Variants in EYS observed in about 807,000 individuals in gnomAD.
The protein encoded by EYS is protein eyes shut homolog.
In EYS, 250 loss-of-function variants were observed where a neutral mutation model predicts 282.1. The observed-to-expected ratio is 0.89, with a 90% CI of 0.80 to 0.98. EYS has a LOEUF of 0.98. Ranked by LOEUF, EYS falls within the 50% of genes least tolerant of loss-of-function variation. EYS has a pLI of 0.00. For missense variants in EYS, 4,016 were observed against 3,709.0 expected, an observed-to-expected ratio of 1.08 and a Z score of -2.15; for synonymous variants, 1,355 against 1,282.9, an observed-to-expected ratio of 1.06 and a Z score of -1.20.
At chr6:65,162,400 T>C (rs916844968) in intron 12 of EYS, among the ~76,000 whole-genome samples, 7 of 151,222 alleles carry the variant, frequency 4.6e-5, no homozygotes, top group Non-Finnish European at 7.4e-5. Context: ...TACCTGACAA[T>C]GAGCAGTTCT....
chr6:65,185,724 G>A (rs867449665), intron 12 of EYS, among the ~76,000 whole-genome samples: 13 of 151,642 alleles, frequency 8.6e-5, no homozygotes, highest in African/African-American at 2.9e-4. Flanking sequence ...ACTGTATTTT[G>A]GGCACAGTTC....
chr6:63,908,936 G>C (rs1195468772), intron 35 of EYS, among the ~76,000 whole-genome samples: 1 of 151,944 alleles, frequency 6.6e-6, no homozygotes, highest in East Asian at 1.9e-4. Flanking sequence ...ACCTAAGACT[G>C]TTTCAGGGGA....
At chr6:65,422,498 A>G (rs1322868589) in intron 5 of EYS, among the ~76,000 whole-genome samples, 1 of 151,930 alleles carries the variant, frequency 6.6e-6, no homozygotes, top group East Asian at 1.9e-4. Context: ...ACTCAATAGG[A>G]AAGAAATTTA....
At chr6:64,935,864 C>T (rs1768889636) in intron 15 of EYS, among the ~76,000 whole-genome samples, 2 of 151,540 alleles carry the variant, frequency 1.3e-5, no homozygotes, top group Non-Finnish European at 3.0e-5. Context: ...AGTGACTTTA[C>T]CAAATGTTTA....
At chr6:64,912,408 C>G in intron 16 of EYS, 76 bp downstream of exon 16, 1 of 1,361,228 alleles carries the variant, frequency 7.3e-7, no homozygotes, top group Non-Finnish European at 1.0e-6. Flanking sequence ...AGGAGGCCAT[C>G]ATCCCATAGG....
Position 63,984,268 on chromosome 6 carries a change from T to C in EYS, c.7055+115A>G, listed in dbSNP as rs939116034. ...CATTTAGGTGATGCATAGAAAAACTTGAGAATTCTGGACTTGTCATTTTCG... is the reference window on the plus strand; with the variant it reads ...CATTTAGGTGATGCATAGAAAAACTCGAGAATTCTGGACTTGTCATTTTCG... On this transcript the variant is annotated intron_variant, in intron 35 of 42. Transcript: ENST00000503581. 9 of 718,846 alleles carry C rather than the reference T, an allele frequency of 1.3e-5. No homozygotes were observed. In the Admixed American group the frequency reaches 2.2e-4, roughly 17 times the overall value. The allele number at this position is 718,846 out of a possible 1,614,324, so 44.5% of individuals were successfully genotyped here.
intron 30 of EYS, among the ~76,000 whole-genome samples, chr6:64,292,792 A>C (rs1301982809): frequency 4.6e-5 from 7 of 152,094 alleles, no homozygotes; most frequent in Non-Finnish European, 8.8e-5. Context: ...AATAACTAGA[A>C]ATGATAACAT....
chr6:64,407,727 C>A (rs1331863878), intron 28 of EYS, among the ~76,000 whole-genome samples: 1 of 152,088 alleles, frequency 6.6e-6, no homozygotes, highest in Non-Finnish European at 1.5e-5. Context: ...TGTATGCACA[C>A]ATTATTATCA....
chr6:64,292,827 C>G (rs1768764561), intron 30 of EYS, among the ~76,000 whole-genome samples: 1 of 151,972 alleles, frequency 6.6e-6, no homozygotes, highest in South Asian at 2.1e-4. Flanking sequence ...TGGCCCCATT[C>G]TGAGGATTTA....
chr6:64,376,301 T>C (rs563924683), intron 29 of EYS, among the ~76,000 whole-genome samples: 1 of 152,246 alleles, frequency 6.6e-6, no homozygotes, highest in South Asian at 2.1e-4. Context: ...CAATTAGAGA[T>C]GGTCTTCTAG....
chr6:64,273,793 T>C (rs1246876890), intron 30 of EYS, among the ~76,000 whole-genome samples: 1 of 152,186 alleles, frequency 6.6e-6, no homozygotes, highest in Non-Finnish European at 1.5e-5. Context: ...GTTTGAGAAG[T>C]CCCTTTTCCT....
At chr6:65,273,485 A>T (rs562839146) in intron 12 of EYS, among the ~76,000 whole-genome samples, 1 of 152,288 alleles carries the variant, frequency 6.6e-6, no homozygotes, top group South Asian at 2.1e-4. Context: ...TAGCAAGCTC[A>T]CTTCAAGGAC....
At chr6:65,040,492 C>G (rs1772901134) in intron 13 of EYS, among the ~76,000 whole-genome samples, 1 of 151,654 alleles carries the variant, frequency 6.6e-6, no homozygotes, top group South Asian at 2.1e-4. Context: ...ATGACTTCTC[C>G]TTAACTAATT....
intron 31 of EYS, among the ~76,000 whole-genome samples, chr6:64,132,722 T>A (rs904546288): frequency 4.0e-5 from 6 of 151,830 alleles, no homozygotes. Flanking sequence ...ATATTCAGTA[T>A]ATTCAATACT....
intron 28 of EYS, among the ~76,000 whole-genome samples, chr6:64,415,890 C>A (rs759985673): frequency 6.6e-6 from 1 of 152,100 alleles, no homozygotes; most frequent in Non-Finnish European, 1.5e-5. Flanking sequence ...TCTCTTTCTC[C>A]TAAATATTAA....
chr6:64,227,889 A>C (rs2150336598), intron 31 of EYS, among the ~76,000 whole-genome samples: 1 of 152,198 alleles, frequency 6.6e-6, no homozygotes, highest in Admixed American at 6.5e-5. Flanking sequence ...AAGTATAATA[A>C]ATATAAATAG....
intron 2 of EYS, among the ~76,000 whole-genome samples, chr6:65,588,067 T>G (rs963130813): frequency 6.6e-6 from 1 of 152,090 alleles, no homozygotes; most frequent in Non-Finnish European, 1.5e-5. Context: ...GAAAGATGTT[T>G]AGAAGAATAA....
intron 14 of EYS, among the ~76,000 whole-genome samples, chr6:64,952,412 G>T (rs1309528950): frequency 3.3e-5 from 5 of 151,936 alleles, no homozygotes; most frequent in African/African-American, 1.2e-4. Flanking sequence ...CCCAACGAGG[G>T]TATAAGAAGT....
chr6:64,890,441 C>A (rs1239817956), intron 18 of EYS, among the ~76,000 whole-genome samples: 1 of 152,102 alleles, frequency 6.6e-6, no homozygotes, highest in Non-Finnish European at 1.5e-5. Flanking sequence ...TGTGATGTCT[C>A]CCCTGGACGC....
Sources: allele counts gnomAD v4.1 joint callset (sites outside exome capture counted in the v4.1 genomes callset), GRCh38; gene constraint gnomAD v4.1.1; transcripts MANE v1.5; gene names NCBI Gene and HGNC (gene_info 2026-07-23, HGNC 2026-07-21).